The following FAM184A variants were observed in gnomAD, a reference collection of about 807,000 sequenced individuals.
FAM184A encodes protein FAM184A.
In FAM184A, 99 loss-of-function variants were observed where a neutral mutation model predicts 143.8. The ratio of observed to expected loss-of-function variants is 0.69; its 90% CI spans 0.58 to 0.81. FAM184A has a LOEUF of 0.81. Ranked by LOEUF, FAM184A falls within the 40% of genes least tolerant of loss-of-function variation. The probability of loss-of-function intolerance (pLI) is 0.00; values close to 1 mark genes in which losing one functional copy is unlikely to be tolerated. For missense variants in FAM184A, 1,217 were observed against 1,310.5 expected (o/e 0.93, Z 1.10); for synonymous variants, 427 against 446.4 (o/e 0.96, Z 0.55).
rs34206330 is a variant in FAM184A, at chr6:119,023,564, C to T, written c.1014+395G>A. 1.2e-4 allele frequency among the ~76,000 whole-genome samples: 13 copies of T among 112,248 alleles called. 1 individual carries two copies. In the East Asian group the frequency reaches 3.1e-3, roughly 27 times the overall value. The allele number at this position is 112,248 out of a possible 152,430, so 73.6% of individuals were successfully genotyped here. A position where few individuals can be genotyped will look rare whatever the true frequency, so the allele number is the denominator to read the frequency against. On this transcript the variant is annotated intron_variant, in intron 2 of 17. Transcript: ENST00000338891. ...ATTAGCAATATTGTCCGCCCCCCCC[C>T]CCAGGAACAGCGTATTACCTCGCTA...
upstream of FAM184A, among the ~76,000 whole-genome samples, chr6:119,082,181 C>T (rs1350758014): frequency 2.0e-5 from 3 of 152,208 alleles, no homozygotes; most frequent in African/African-American, 7.2e-5. Flanking sequence ...GGACTATGCC[C>T]TTCCCTTCCC....
intron 1 of FAM184A, among the ~76,000 whole-genome samples, chr6:119,035,503 A>G (rs1349362915): frequency 6.6e-6 from 1 of 152,240 alleles, no homozygotes; most frequent in African/African-American, 2.4e-5. Flanking sequence ...ATATTTTGAA[A>G]TGGCCCTGCA....
At chr6:118,972,601 T>C (rs536942096) in intron 14 of FAM184A, among the ~76,000 whole-genome samples, 48 of 152,272 alleles carry the variant, frequency 3.2e-4, no homozygotes, top group Middle Eastern at 3.4e-3. Flanking sequence ...TCTTTGATTA[T>C]TAAAAATGAT....
At position 119,006,594 on chromosome 6, in the gene FAM184A, T is replaced by C. The variant is rs1165339558; in HGVS notation, c.1668A>G (p.Gln556=). Residue 556 remains glutamine, a synonymous_variant, in exon 7 of 18, where the codon CAA becomes CAG. Transcript: ENST00000338891. ...CTTGTTCACTTTTCCTTACCATATCTTGGAGGTGGCCAATCTGTAAGTAAA... is the reference window on the plus strand; with the variant it reads ...CTTGTTCACTTTTCCTTACCATATCCTGGAGGTGGCCAATCTGTAAGTAAA... ...NTANQEIGHL[Q]DMVRKSEQGL... 5.6e-6 allele frequency: 9 copies of C among 1,612,094 alleles called. No individual in the cohort carries two copies. Among genetic ancestry groups the C allele is most frequent in the Non-Finnish European group, 7.6e-6 (9 of 1,179,248 alleles).
intron 5 of FAM184A, 24 bp downstream of exon 5, chr6:119,016,723 A>G (rs1270793361): frequency 2.5e-6 from 4 of 1,575,704 alleles, no homozygotes; most frequent in African/African-American, 1.3e-5. Flanking sequence ...TTACAATGCA[A>G]TGATAAATTA....
chr6:119,000,498 G>A (rs1784720145), intron 9 of FAM184A, among the ~76,000 whole-genome samples: 1 of 152,130 alleles, frequency 6.6e-6, no homozygotes, highest in African/African-American at 2.4e-5. Flanking sequence ...TCCATGAAGT[G>A]AAAAACATCT....
intron 1 of FAM184A, among the ~76,000 whole-genome samples, chr6:119,106,224 C>T (rs1419436326): frequency 1.6e-5 from 2 of 125,938 alleles, no homozygotes; most frequent in African/African-American, 6.0e-5. Context: ...AATCCCGTCT[C>T]TACTAAAAAT....
intron 9 of FAM184A, among the ~76,000 whole-genome samples, chr6:118,989,278 T>C (rs1354700054): frequency 6.6e-6 from 1 of 151,752 alleles, no homozygotes; most frequent in Non-Finnish European, 1.5e-5. Context: ...TGATTTTAAG[T>C]GATAAACCAT....
chr6:119,033,214 A>G (rs985513314), intron 1 of FAM184A, among the ~76,000 whole-genome samples: 24 of 152,324 alleles, frequency 1.6e-4, no homozygotes, highest in African/African-American at 5.8e-4. Context: ...TCCTTACTGT[A>G]TAAGGGCATG....
intron 1 of FAM184A, among the ~76,000 whole-genome samples, chr6:119,121,379 AGC>A (rs1789208501): frequency 6.6e-6 from 1 of 152,142 alleles, no homozygotes. Flanking sequence ...TCAAGCAGTC[AGC>A]CCACCTGGGC....
At chr6:119,005,096 A>G (rs1181191237) in intron 7 of FAM184A, among the ~76,000 whole-genome samples, 2 of 152,140 alleles carry the variant, frequency 1.3e-5, no homozygotes, top group Non-Finnish European at 2.9e-5. Flanking sequence ...ACCTCTTAAT[A>G]TAGTTTGGTC....
At chr6:119,025,835 G>A (rs902882468) in intron 1 of FAM184A, among the ~76,000 whole-genome samples, 2 of 152,168 alleles carry the variant, frequency 1.3e-5, no homozygotes, top group African/African-American at 4.8e-5. Context: ...ATATTACTCT[G>A]GCTTTAGAAA....
chr6:119,057,254 A>G (rs1391447729), intron 1 of FAM184A, among the ~76,000 whole-genome samples: 1 of 152,072 alleles, frequency 6.6e-6, no homozygotes. Context: ...CAATAGGTAA[A>G]AGACTGGGAA....
In FAM184A at chr6:118,976,037, C is replaced by G; in HGVS notation, c.2463G>C (p.Leu821Phe). ...CATGTTGATGGTTGAGTTCTGAGCG[C>G]AAGGAAGCTGGAATTGCAAGGCAAA... ...EDEGKAMLAS[L>F]RSELNHQHAA... The change falls in exon 12 of 18, where the codon TTG (leucine) becomes TTC (phenylalanine). Residue 821 changes from leucine to phenylalanine, a missense_variant. Transcript: ENST00000338891. 6.2e-7 allele frequency: 1 copy of G among 1,610,094 alleles called. No homozygotes were observed. Among genetic ancestry groups the G allele is most frequent in the Non-Finnish European group, 8.5e-7 (1 of 1,179,072 alleles).
intron 1 of FAM184A, among the ~76,000 whole-genome samples, chr6:119,075,494 T>C (rs143095924): frequency 0.018 from 2,710 of 152,208 alleles, 37 homozygotes; most frequent in South Asian, 0.045. Flanking sequence ...AAGGTCACAA[T>C]AGTAGTAAGT....
chr6:119,056,556 G>A (rs1373839154), intron 1 of FAM184A, among the ~76,000 whole-genome samples: 3 of 152,182 alleles, frequency 2.0e-5, no homozygotes, highest in African/African-American at 7.2e-5. Flanking sequence ...TGGTTCTAAT[G>A]GTTCTAGCAC....
intron 1 of FAM184A, among the ~76,000 whole-genome samples, chr6:119,076,211 A>G (rs1787867195): frequency 6.6e-6 from 1 of 152,194 alleles, no homozygotes; most frequent in South Asian, 2.1e-4. Flanking sequence ...ATCAACAAGG[A>G]ATTATCCAGT....
Position 119,148,643 on chromosome 6 carries a change from C to T in FAM184A, c.-202+435G>A, listed in dbSNP as rs190454501. Reference sequence around the variant, plus strand: ...GCACTGTTCTATAAGCCTCCCAACACCATGAAACTGGAATCATTCAGTCAT... The same window carrying T: ...GCACTGTTCTATAAGCCTCCCAACATCATGAAACTGGAATCATTCAGTCAT... On this transcript the variant is annotated intron_variant, in intron 1 of 16. Coordinates refer to the FAM184A transcript ENST00000352896. 3.8e-3 allele frequency among the ~76,000 whole-genome samples: 573 copies of T among 152,254 alleles called. 4 individuals are homozygous for T. Among genetic ancestry groups the T allele is most frequent in the Admixed American group, 8.6e-3 (131 of 15,292 alleles).
rs371651869 is a variant in FAM184A at position 119,128,573 on chromosome 6, C to G, written c.-202+20505G>C. Among the ~76,000 whole-genome samples, 18 of 151,978 alleles carry G rather than the reference C, an allele frequency of 1.2e-4. No homozygotes were observed. The East Asian group carries it at 1.9e-3, about 16-fold the overall frequency. ...TTAAGCAAGAACATAATTAGATAAA[C>G]ATGAGTTACTGGAGAGGAGTGTCTA... is the stretch of plus-strand genomic sequence containing the variant. On this transcript the variant is annotated intron_variant, in intron 1 of 16. Coordinates refer to the FAM184A transcript ENST00000352896.
Sources: gnomAD v4.1 joint callset for allele counts (sites outside exome capture counted in the v4.1 genomes callset) on GRCh38, gnomAD v4.1.1 for gene constraint, MANE v1.5 for transcripts, NCBI Gene and HGNC (gene_info 2026-07-23, HGNC 2026-07-21) for gene names.